RAB27B: variants seen among roughly 807,000 people sequenced by gnomAD.
The protein encoded by RAB27B is RAB27B, member RAS oncogene family.
Under a neutral mutation model 24.6 loss-of-function variants are expected in RAB27B, and 15 were observed. The observed-to-expected ratio is 0.61, with a 90% CI of 0.41 to 0.94. RAB27B has a LOEUF of 0.94. Ranked by LOEUF, RAB27B falls within the 40% of genes least tolerant of loss-of-function variation. The pLI, the probability that RAB27B is intolerant of heterozygous loss-of-function variation, is 0.00. For missense variants in RAB27B, 261 were observed against 266.8 expected (o/e 0.98, Z 0.15); for synonymous variants, 105 against 92.5 (o/e 1.14, Z -0.78).
chr18:54,735,284 C>A (rs1409172077), intron 2 of RAB27B, among the ~76,000 whole-genome samples: 2 of 152,178 alleles, frequency 1.3e-5, no homozygotes, highest in Non-Finnish European at 2.9e-5. Context: ...AACGTGGCTA[C>A]TTAAATGTAA....
chr18:54,873,963 C>T (rs1912587361), intron 1 of RAB27B, among the ~76,000 whole-genome samples: 1 of 152,140 alleles, frequency 6.6e-6, no homozygotes, highest in Admixed American at 6.5e-5. Context: ...GCACCCTTCA[C>T]TTATAGAAAA....
At chr18:54,837,663 A>G (rs1910948790) in intron 1 of RAB27B, among the ~76,000 whole-genome samples, 1 of 152,152 alleles carries the variant, frequency 6.6e-6, no homozygotes, top group Non-Finnish European at 1.5e-5. Context: ...TGGAGTAACC[A>G]TAAGAGAGGA....
intron 2 of RAB27B, among the ~76,000 whole-genome samples, chr18:54,809,090 G>A (rs1909883482): frequency 6.6e-6 from 1 of 152,110 alleles, no homozygotes. Flanking sequence ...ATTTTCTTGA[G>A]CATTTTTCCA....
intron 2 of RAB27B, among the ~76,000 whole-genome samples, chr18:54,767,432 AG>A (rs1327095371): frequency 2.6e-5 from 4 of 152,320 alleles, no homozygotes; most frequent in Non-Finnish European, 5.9e-5. Context: ...TAATTGCCAT[AG>A]TTATTCAACT....
chr18:54,815,566 T>C (rs1249284853), intron 2 of RAB27B, among the ~76,000 whole-genome samples: 2 of 152,220 alleles, frequency 1.3e-5, no homozygotes, highest in Non-Finnish European at 2.9e-5. Flanking sequence ...CTAAAATCAA[T>C]TTATTGATTT....
intron 2 of RAB27B, among the ~76,000 whole-genome samples, chr18:54,801,216 T>C (rs1909599924): frequency 6.6e-6 from 1 of 151,974 alleles, no homozygotes; most frequent in African/African-American, 2.4e-5. Flanking sequence ...TTTTTTACCA[T>C]GTTGGCCAGG....
At chr18:54,817,868 C>G (rs996663546) in intron 2 of RAB27B, among the ~76,000 whole-genome samples, 1 of 151,864 alleles carries the variant, frequency 6.6e-6, no homozygotes, top group Non-Finnish European at 1.5e-5. Flanking sequence ...GATATATTCT[C>G]TTGAGTTGTG....
chr18:54,729,102 C>T (rs188975918), intron 2 of RAB27B, among the ~76,000 whole-genome samples: 48 of 151,914 alleles, frequency 3.2e-4, no homozygotes, highest in Admixed American at 7.2e-4. Flanking sequence ...CACAGGCTGA[C>T]GTAGTTACCT....
At chr18:54,838,720 A>G (rs1769981212) in intron 1 of RAB27B, among the ~76,000 whole-genome samples, 1 of 152,142 alleles carries the variant, frequency 6.6e-6, no homozygotes, top group Admixed American at 6.5e-5. Context: ...GAACATTTAA[A>G]TGACTCTTAC....
intron 2 of RAB27B, among the ~76,000 whole-genome samples, chr18:54,794,192 A>G (rs900298963): frequency 6.6e-6 from 1 of 152,208 alleles, no homozygotes; most frequent in African/African-American, 2.4e-5. Context: ...TATGAGAATT[A>G]AGTAAATTAA....
chr18:54,860,587 G>A (rs1271102067), intron 1 of RAB27B, among the ~76,000 whole-genome samples: 1 of 152,076 alleles, frequency 6.6e-6, no homozygotes, highest in Non-Finnish European at 1.5e-5. Flanking sequence ...GAACTCCTCT[G>A]TCAGATTTAC....
chr18:54,822,174 CTCTTA>C (rs1464938540), intron 2 of RAB27B, among the ~76,000 whole-genome samples: 1 of 152,014 alleles, frequency 6.6e-6, no homozygotes, highest in Non-Finnish European at 1.5e-5. Flanking sequence ...CCTTATAGTT[CTCTTA>C]TAAGGAAACA....
chr18:54,744,248 C>T (rs1032470107), intron 2 of RAB27B, among the ~76,000 whole-genome samples: 3 of 152,110 alleles, frequency 2.0e-5, no homozygotes, highest in African/African-American at 7.2e-5. Flanking sequence ...CCTTTCCTGT[C>T]TCATTTTAGG....
chr18:54,889,410 C>T lies in RAB27B; in HGVS notation c.654C>T (p.Cys218=). The part of the protein sequence containing the change: ...GEKPPEKKCI[C] ...AGCCACCAGAGAAGAAATGTATCTG[C>T]TAGACTCTACATAGAAACTGAACAT... The change falls in exon 6 of 6, where the codon TGC becomes TGT. Residue 218 remains cysteine, a synonymous_variant. Coordinates refer to ENST00000262094, the MANE Select transcript of RAB27B (RefSeq NM_004163.4). 1 of 1,608,132 alleles carries T rather than the reference C, an allele frequency of 6.2e-7. No homozygotes were observed. The highest frequency in any genetic ancestry group is 8.5e-7 in the Non-Finnish European group (1 of 1,177,570).
intron 1 of RAB27B, among the ~76,000 whole-genome samples, chr18:54,830,816 A>C (rs940863284): frequency 1.3e-5 from 2 of 152,204 alleles, no homozygotes. Context: ...TCCTTAAATA[A>C]GACAAACTTG....
At chr18:54,791,651 G>A (rs576607971) in intron 2 of RAB27B, among the ~76,000 whole-genome samples, 29 of 152,280 alleles carry the variant, frequency 1.9e-4, no homozygotes, top group Non-Finnish European at 4.1e-4. Flanking sequence ...CTGCCTTGAC[G>A]CGCAAATATT....
intron 2 of RAB27B, among the ~76,000 whole-genome samples, chr18:54,762,703 G>GA (rs1366588425): frequency 3.3e-5 from 5 of 152,012 alleles, no homozygotes; most frequent in African/African-American, 1.2e-4. Flanking sequence ...TGATCTAATT[G>GA]AAAAAATCAC....
At chr18:54,743,147 A>G (rs1328288410) in intron 2 of RAB27B, among the ~76,000 whole-genome samples, 1 of 151,948 alleles carries the variant, frequency 6.6e-6, no homozygotes, top group African/African-American at 2.4e-5. Context: ...ATTCCACACT[A>G]CTCTGCAGCA....
At chr18:54,825,806 A>C (rs374103161), upstream of RAB27B, among the ~76,000 whole-genome samples, 2 of 152,306 alleles carry the variant, frequency 1.3e-5, no homozygotes, top group South Asian at 2.1e-4. Context: ...TCTGGGTCCA[A>C]GCATTCCAAT....
Sources: allele counts gnomAD v4.1 joint callset (sites outside exome capture counted in the v4.1 genomes callset), GRCh38; gene constraint gnomAD v4.1.1; transcripts MANE v1.5; gene names NCBI Gene and HGNC (gene_info 2026-07-23, HGNC 2026-07-21).